TIGAR: variants seen among roughly 807,000 people sequenced by gnomAD.
TIGAR encodes fructose-2,6-bisphosphatase TIGAR.
In TIGAR, 7 loss-of-function variants were observed where a neutral mutation model predicts 17.9. The observed-to-expected ratio is 0.39, with a 90% CI of 0.22 to 0.73. The LOEUF is 0.73. Among genes scored for constraint, TIGAR ranks in the 30% least tolerant of loss-of-function variants. The pLI is 0.42. For missense variants in TIGAR, 258 were observed against 327.4 expected (o/e 0.79, Z 1.64); for synonymous variants, 94 against 108.6 (o/e 0.87, Z 0.84).
chr12:4,352,677 A>C lies in TIGAR; in HGVS notation c.799A>C (p.Thr267Pro). Residue 267 changes from threonine (T) to proline (P), a missense_variant, in exon 6 of 6, where the codon ACT (threonine) becomes CCT (proline). Thr to Pro is a conservative substitution (Grantham distance 38). Coordinates refer to ENST00000179259, the MANE Select transcript of TIGAR (RefSeq NM_020375.3). Reference protein sequence around the residue: ...MNLQDHLNGLTETR With the variant: ...MNLQDHLNGLPETR Reference sequence around the variant, plus strand: ...CCTACAGGATCATCTAAATGGACTGACTGAAACTCGCTAAGGTTAAATCTG... The same window carrying C: ...CCTACAGGATCATCTAAATGGACTGCCTGAAACTCGCTAAGGTTAAATCTG... The C allele has an allele frequency of 1.9e-6, 3 of 1,600,786 alleles. No homozygotes were observed. Among genetic ancestry groups the C allele is most frequent in the Non-Finnish European group, 2.5e-6 (3 of 1,179,542 alleles).
In TIGAR at chr12:4,352,341, C is replaced by T; in HGVS notation, c.463C>T (p.Gln155Ter). Residue 155 changes from glutamine (Q) to a stop codon, truncating the protein, a stop_gained, in exon 6 of 6, where the codon CAA becomes TAA. Coordinates refer to ENST00000179259, the MANE Select transcript of TIGAR (RefSeq NM_020375.3). LOFTEE classifies it low-confidence loss of function (END_TRUNC). ...KEADQKEQFS[Q>*]GSPSNCLETS... Reference sequence around the variant, plus strand: ...AGCGGATCAAAAAGAACAGTTTTCCCAAGGATCTCCAAGCAACTGTCTGGA... The same window carrying T: ...AGCGGATCAAAAAGAACAGTTTTCCTAAGGATCTCCAAGCAACTGTCTGGA... The T allele has an allele frequency of 6.2e-7, 1 of 1,614,058 alleles. No individual in the cohort carries two copies. Among genetic ancestry groups the T allele is most frequent in the Non-Finnish European group, 8.5e-7 (1 of 1,179,992 alleles).
At position 4,351,254 on chromosome 12, in the gene TIGAR, T is replaced by C; in HGVS notation, c.271-13T>C. ...TTTCATTTGAGAAACTGTTATCTAT[T>C]GGACTGTTTCAGAAATACGGGGTTG... On this transcript the variant is annotated splice_polypyrimidine_tract_variant and intron_variant, in intron 4 of 5. Transcript: ENST00000179259. 1 of 1,610,276 alleles carries C rather than the reference T, an allele frequency of 6.2e-7. No homozygotes were observed. The highest frequency in any genetic ancestry group is 8.5e-7 in the Non-Finnish European group (1 of 1,176,792).
intron 3 of TIGAR, among the ~76,000 whole-genome samples, chr12:4,344,550 G>A (rs1337559717): frequency 6.6e-6 from 1 of 152,176 alleles, no homozygotes; most frequent in Admixed American, 6.5e-5. Flanking sequence ...CTTCATCCCT[G>A]GGGTGCAAGG....
rs2120707417 is a variant in TIGAR, at chr12:4,357,182, T to G, written c.*4491T>G. 6.6e-6 allele frequency among the ~76,000 whole-genome samples: 1 copy of G among 152,340 alleles called. No homozygotes were observed. Among genetic ancestry groups the G allele is most frequent in the East Asian group, 1.9e-4 (1 of 5,190 alleles). ...AAGTGCAATATTTGGCCATATCACTTAAGTACATATGCTTATATTATGTAT... is the reference window on the plus strand; with the variant it reads ...AAGTGCAATATTTGGCCATATCACTGAAGTACATATGCTTATATTATGTAT... On this transcript the variant is annotated 3_prime_UTR_variant, in exon 6 of 6. Transcript: ENST00000179259.
At chr12:4,323,259 A>G (rs1386319934) in intron 1 of TIGAR, among the ~76,000 whole-genome samples, 2 of 152,154 alleles carry the variant, frequency 1.3e-5, no homozygotes, top group Non-Finnish European at 2.9e-5. Context: ...TAAGCGACAC[A>G]GTGGGACCCT....
rs115293971 is a variant in TIGAR at position 4,327,728 on chromosome 12, C to T, written c.33-3552C>T. The stretch of plus-strand genomic sequence containing the variant: ...ACTTGTTTTGTTTTGTTTTTGAGGG[C>T]GCAATCTCGGCTCACTGCAGCCTCC... On this transcript the variant is annotated intron_variant, in intron 1 of 5. Coordinates refer to ENST00000179259, the MANE Select transcript of TIGAR (RefSeq NM_020375.3). 7.5e-3 allele frequency among the ~76,000 whole-genome samples: 1,147 copies of T among 152,184 alleles called. 11 individuals are homozygous for T. Among genetic ancestry groups the T allele is most frequent in the African/African-American group, 0.025 (1,044 of 41,516 alleles).
chr12:4,347,370 G>A (rs1368480137), intron 3 of TIGAR, among the ~76,000 whole-genome samples: 1 of 152,158 alleles, frequency 6.6e-6, no homozygotes, highest in African/African-American at 2.4e-5. Flanking sequence ...CATGGAGATA[G>A]AGAGTAGAAG....
At chr12:4,333,737 T>C (rs1864629182) in intron 2 of TIGAR, among the ~76,000 whole-genome samples, 1 of 152,206 alleles carries the variant, frequency 6.6e-6, no homozygotes, top group Non-Finnish European at 1.5e-5. Flanking sequence ...GTGCTGGGAT[T>C]GCAGGCGTTA....
chr12:4,331,364 A>G (rs1215989526), intron 2 of TIGAR, 47 bp downstream of exon 2: 1 of 1,576,738 alleles, frequency 6.3e-7, no homozygotes. Context: ...TTGTGTTAAT[A>G]AGATGTGTGA....
chr12:4,345,913 GA>G (rs898377423), intron 3 of TIGAR, among the ~76,000 whole-genome samples: 50 of 152,020 alleles, frequency 3.3e-4, no homozygotes, highest in African/African-American at 1.2e-3. Flanking sequence ...AAATTTGCAA[GA>G]AAAAAACAAC....
intron 1 of TIGAR, among the ~76,000 whole-genome samples, chr12:4,322,013 T>C (rs530668970): frequency 5.3e-4 from 80 of 151,702 alleles, no homozygotes; most frequent in African/African-American, 1.9e-3. Flanking sequence ...TTTTTTTTTG[T>C]GAGATGGAGC....
chr12:4,339,252 A>G (rs1864693841), intron 3 of TIGAR, among the ~76,000 whole-genome samples: 1 of 152,208 alleles, frequency 6.6e-6, no homozygotes, highest in Non-Finnish European at 1.5e-5. Flanking sequence ...TCAAAGGAGC[A>G]TTAAGGGCTA....
At chr12:4,350,414 A>G (rs1864825686) in intron 4 of TIGAR, among the ~76,000 whole-genome samples, 1 of 152,158 alleles carries the variant, frequency 6.6e-6, no homozygotes, top group Non-Finnish European at 1.5e-5. Flanking sequence ...CCTAGGAGAA[A>G]GTTTTGTTTT....
intron 3 of TIGAR, among the ~76,000 whole-genome samples, chr12:4,348,803 G>T (rs971078723): frequency 6.6e-6 from 1 of 152,066 alleles, no homozygotes; most frequent in African/African-American, 2.4e-5. Context: ...TGACAGGGTC[G>T]CTTGTCAATC....
At chr12:4,326,126 G>A (rs1455731737) in intron 1 of TIGAR, among the ~76,000 whole-genome samples, 1 of 152,182 alleles carries the variant, frequency 6.6e-6, no homozygotes, top group Admixed American at 6.5e-5. Flanking sequence ...CTGATCCTAA[G>A]ACTTAACATC....
rs2120712172 is a variant in TIGAR at position 4,359,162 on chromosome 12, ATTAG to A, written c.*6474_*6477del. Among the ~76,000 whole-genome samples the A allele has an allele frequency of 6.8e-6, 1 of 146,816 alleles. No individual in the cohort carries two copies. The highest frequency in any genetic ancestry group is 2.0e-4 in the East Asian group (1 of 5,008). On this transcript the variant is annotated 3_prime_UTR_variant, in exon 6 of 6. Transcript: ENST00000179259. ...TGACTCTACTTTTGCTTCTATGTTT[ATTAG>A]TTGGCATTCTGTACTAAGACAGCTT...
At chr12:4,336,957 A>C (rs1243816124) in intron 2 of TIGAR, 82 bp from the exon 3 acceptor site, 2 of 1,350,566 alleles carry the variant, frequency 1.5e-6, no homozygotes, top group Non-Finnish European at 2.0e-6. Flanking sequence ...AGATAAATGC[A>C]GCTTATATTT....
At chr12:4,345,598 AAAAATTAATTCAAG>A (rs1864770808) in intron 3 of TIGAR, among the ~76,000 whole-genome samples, 1 of 152,220 alleles carries the variant, frequency 6.6e-6, no homozygotes, top group African/African-American at 2.4e-5. Flanking sequence ...CACCTTATAC[AAAAATTAATTCAAG>A]ATGGAGTAAA....
intron 2 of TIGAR, 81 bp from the exon 3 acceptor site, chr12:4,336,958 G>C (rs1326757854): frequency 1.5e-6 from 2 of 1,358,668 alleles, no homozygotes; most frequent in Non-Finnish European, 1.9e-6. Context: ...GATAAATGCA[G>C]CTTATATTTT....
Sources: gnomAD v4.1 joint callset for allele counts (sites outside exome capture counted in the v4.1 genomes callset) on GRCh38, gnomAD v4.1.1 for gene constraint, MANE v1.5 for transcripts, NCBI Gene and HGNC (gene_info 2026-07-23, HGNC 2026-07-21) for gene names.